TRIM23: variants seen among roughly 807,000 people sequenced by gnomAD.
The protein encoded by TRIM23 is tripartite motif containing 23.
Under a neutral mutation model 71.0 loss-of-function variants are expected in TRIM23, and 27 were observed. The observed-to-expected ratio is 0.38, with a 90% confidence interval of 0.28 to 0.52. The LOEUF is 0.52. Among genes scored for constraint, TRIM23 ranks in the 20% least tolerant of loss-of-function variants. TRIM23 has a pLI of 0.84. For missense variants in TRIM23, 482 were observed against 692.3 expected (o/e 0.70, Z 3.41); for synonymous variants, 234 against 238.0 (o/e 0.98, Z 0.16).
chr5:65,623,379 T>A (rs970997499), intron 1 of TRIM23, among the ~76,000 whole-genome samples: 1 of 152,208 alleles, frequency 6.6e-6, no homozygotes, highest in Admixed American at 6.5e-5. Context: ...ATTATCAATC[T>A]CTTAGATTAG....
intron 7 of TRIM23, 105 bp from the exon 8 acceptor site, chr5:65,597,285 A>G: frequency 8.5e-7 from 1 of 1,174,916 alleles, no homozygotes; most frequent in South Asian, 1.5e-5. Context: ...CAACCATTGC[A>G]ATCTGAATTG....
At chr5:65,595,945 C>T (rs1012707889) in intron 9 of TRIM23, among the ~76,000 whole-genome samples, 95 of 152,066 alleles carry the variant, frequency 6.2e-4, no homozygotes, top group African/African-American at 1.7e-3. Flanking sequence ...TGATATAATA[C>T]GGTTTGGTCA....
intron 8 of TRIM23, among the ~76,000 whole-genome samples, 169 bp downstream of exon 8, chr5:65,596,882 C>A (rs1022328662): frequency 6.6e-6 from 1 of 152,162 alleles, no homozygotes; most frequent in African/African-American, 2.4e-5. Flanking sequence ...TCCCCATCCA[C>A]ATTTCAATCC....
intron 9 of TRIM23, 105 bp downstream of exon 9, chr5:65,596,316 C>T: frequency 1.3e-6 from 1 of 762,826 alleles, no homozygotes; most frequent in Non-Finnish European, 2.2e-6. Context: ...CTTAAGTATA[C>T]AGTCAACGAC....
At position 65,611,486 on chromosome 5, in the gene TRIM23, A is replaced by G. The variant is rs751926314; in HGVS notation, c.645+117T>C. On this transcript the variant is annotated intron_variant, in intron 4 of 10. Transcript: ENST00000231524. ...TTCATGCTACCAAACCCAATCACTCATCACTTAACTCTTCTTCAATCCCTA... is the reference window on the plus strand; with the variant it reads ...TTCATGCTACCAAACCCAATCACTCGTCACTTAACTCTTCTTCAATCCCTA... The G allele has an allele frequency of 3.5e-6, 4 of 1,140,372 alleles. No individual in the cohort carries two copies. The South Asian group carries it at 6.9e-5, about 20-fold the overall frequency. 70.6% of individuals were successfully genotyped at this position (1,140,372 alleles called of 1,614,324 possible).
chr5:65,596,968 A>C, intron 8 of TRIM23, 83 bp downstream of exon 8: 1 of 1,532,208 alleles, frequency 6.5e-7, no homozygotes, highest in Middle Eastern at 1.8e-4. Flanking sequence ...CCACCATGAC[A>C]GATCAGTATC....
chr5:65,622,577 G>A (rs1308617560), intron 1 of TRIM23, among the ~76,000 whole-genome samples: 1 of 152,176 alleles, frequency 6.6e-6, no homozygotes, highest in East Asian at 1.9e-4. Context: ...CACAGTATTA[G>A]CATTATATAC....
At chr5:65,611,537 T>C in intron 4 of TRIM23, 66 bp downstream of exon 4, 2 of 1,541,152 alleles carry the variant, frequency 1.3e-6, no homozygotes, top group Non-Finnish European at 1.8e-6. Flanking sequence ...ACCAGGTCAG[T>C]GAAAACGAAT....
chr5:65,617,158 T>C (rs1273811959), intron 2 of TRIM23, among the ~76,000 whole-genome samples: 2 of 151,642 alleles, frequency 1.3e-5, no homozygotes, highest in African/African-American at 4.8e-5. Context: ...ATAATGTTAT[T>C]ACTGTCTATT....
chr5:65,592,953 T>C (rs1374649236), intron 10 of TRIM23, among the ~76,000 whole-genome samples: 2 of 152,200 alleles, frequency 1.3e-5, no homozygotes, highest in East Asian at 3.8e-4. Flanking sequence ...AATCCATATA[T>C]ATACACATAC....
chr5:65,601,464 G>A (rs957769516), intron 7 of TRIM23, among the ~76,000 whole-genome samples: 9 of 152,148 alleles, frequency 5.9e-5, no homozygotes, highest in Middle Eastern at 3.4e-3. Context: ...AAGCAAAAGC[G>A]GAAACCCCTG....
chr5:65,594,108 A>C (rs1018567488), intron 10 of TRIM23, among the ~76,000 whole-genome samples: 2 of 152,184 alleles, frequency 1.3e-5, no homozygotes, highest in African/African-American at 4.8e-5. Context: ...AAAAACATTC[A>C]TGCTATTATC....
chr5:65,596,969 G>C, intron 8 of TRIM23, 82 bp downstream of exon 8: 1 of 1,539,144 alleles, frequency 6.5e-7, no homozygotes, highest in Non-Finnish European at 8.8e-7. Context: ...CACCATGACA[G>C]ATCAGTATCA....
chr5:65,602,469 T>C (rs1249027631), intron 7 of TRIM23, among the ~76,000 whole-genome samples: 1 of 152,192 alleles, frequency 6.6e-6, no homozygotes, highest in Admixed American at 6.5e-5. Context: ...AGTTCCAAAC[T>C]TTCTCACACT....
chr5:65,596,673 C>T, intron 8 of TRIM23, 142 bp from the exon 9 acceptor site: 1 of 627,782 alleles, frequency 1.6e-6, no homozygotes, highest in Non-Finnish European at 2.8e-6. Flanking sequence ...TAATCAACCC[C>T]ATTCCTACTC....
At position 65,605,050 on chromosome 5, in the gene TRIM23, A is replaced by G. The variant is rs373501137; in HGVS notation, c.1045-5T>C. ...CAAGACAACTCTACAATCATCCTATAAGAGGCAAAACAATATTTCTTATAA... is the reference window on the plus strand; with the variant it reads ...CAAGACAACTCTACAATCATCCTATGAGAGGCAAAACAATATTTCTTATAA... On this transcript the variant is annotated splice_region_variant and splice_polypyrimidine_tract_variant and intron_variant, in intron 6 of 10. Coordinates refer to ENST00000231524, the MANE Select transcript of TRIM23 (RefSeq NM_001656.4). 7 of 1,599,818 alleles carry G rather than the reference A, an allele frequency of 4.4e-6. No homozygotes were observed. The African/African-American group carries it at 5.4e-5, about 12-fold the overall frequency.
intron 6 of TRIM23, among the ~76,000 whole-genome samples, chr5:65,606,208 C>A (rs2150631047): frequency 6.6e-6 from 1 of 152,258 alleles, no homozygotes; most frequent in Non-Finnish European, 1.5e-5. Flanking sequence ...CTTTGGGAGG[C>A]CAAGGCAGAT....
At chr5:65,598,010 C>G (rs1424518296) in intron 7 of TRIM23, among the ~76,000 whole-genome samples, 6 of 152,164 alleles carry the variant, frequency 3.9e-5, no homozygotes, top group Non-Finnish European at 8.8e-5. Context: ...TTTGAGCACT[C>G]TTTGCTTGGA....
intron 6 of TRIM23, 97 bp downstream of exon 6, chr5:65,609,146 C>A: frequency 3.3e-6 from 4 of 1,225,114 alleles, no homozygotes; most frequent in Non-Finnish European, 3.5e-6. Flanking sequence ...CTGCATACAG[C>A]AGACACAAAA....
Sources: gnomAD v4.1 joint callset for allele counts (sites outside exome capture counted in the v4.1 genomes callset) on GRCh38, gnomAD v4.1.1 for gene constraint, MANE v1.5 for transcripts, NCBI Gene and HGNC (gene_info 2026-07-23, HGNC 2026-07-21) for gene names.